Variants in CHODL observed in about 807,000 individuals in gnomAD.
CHODL encodes transmembrane protein MT75.
A neutral mutation model predicts 34.5 loss-of-function variants in CHODL; 29 were observed. That is an observed-to-expected ratio of 0.84 (90% CI 0.63 to 1.15). The LOEUF is 1.15. Among genes scored for constraint, CHODL ranks in the 50% most tolerant of loss-of-function variants. The pLI, the probability that CHODL is intolerant of heterozygous loss-of-function variation, is 0.00. For missense variants in CHODL, 332 were observed against 332.5 expected (o/e 1.00, Z 0.01); for synonymous variants, 125 against 116.1 (o/e 1.08, Z -0.49).
At chr21:17,945,064 T>C (rs943760220) in intron 1 of CHODL, among the ~76,000 whole-genome samples, 1 of 151,760 alleles carries the variant, frequency 6.6e-6, no homozygotes, top group African/African-American at 2.4e-5. Flanking sequence ...CAAAAAAAAT[T>C]AGCCGGGCAT....
chr21:17,971,491 T>C (rs552499367), intron 1 of CHODL, among the ~76,000 whole-genome samples: 7 of 152,340 alleles, frequency 4.6e-5, no homozygotes, highest in Admixed American at 3.3e-4. Context: ...CCAGTGATGA[T>C]GACCTTTTTT....
At chr21:18,262,100 C>G (rs1432767079) in intron 4 of CHODL, among the ~76,000 whole-genome samples, 1 of 151,982 alleles carries the variant, frequency 6.6e-6, no homozygotes, top group Non-Finnish European at 1.5e-5. Flanking sequence ...AGCTAAGGTT[C>G]TTAATGAAAG....
At chr21:18,222,813 G>T (rs2073897239) in intron 2 of CHODL, among the ~76,000 whole-genome samples, 1 of 152,128 alleles carries the variant, frequency 6.6e-6, no homozygotes, top group Non-Finnish European at 1.5e-5. Context: ...AGGCAAGTCT[G>T]CTGTGTGTCT....
At chr21:18,249,425 G>A (rs766731073) in intron 1 of CHODL, among the ~76,000 whole-genome samples, 9 of 151,620 alleles carry the variant, frequency 5.9e-5, no homozygotes, top group South Asian at 2.1e-4. Flanking sequence ...TTTATTAAAG[G>A]CATATATGGT....
chr21:18,116,145 C>T (rs984422582), intron 2 of CHODL, among the ~76,000 whole-genome samples: 10 of 152,072 alleles, frequency 6.6e-5, no homozygotes, highest in Admixed American at 4.6e-4. Flanking sequence ...ACAAAACTTC[C>T]TTGAATGATC....
At chr21:17,924,046 G>A (rs2063204784) in intron 1 of CHODL, among the ~76,000 whole-genome samples, 1 of 152,188 alleles carries the variant, frequency 6.6e-6, no homozygotes, top group South Asian at 2.1e-4. Flanking sequence ...GGAGTTTGAG[G>A]GATAGAGTGT....
chr21:18,089,423 TAG>T (rs772934629), intron 2 of CHODL, among the ~76,000 whole-genome samples: 4 of 152,142 alleles, frequency 2.6e-5, no homozygotes, highest in Non-Finnish European at 5.9e-5. Flanking sequence ...TTATAGTGAG[TAG>T]AGAGAATTAT....
chr21:17,950,128 T>G (rs1029068994), intron 1 of CHODL, among the ~76,000 whole-genome samples: 4 of 152,126 alleles, frequency 2.6e-5, no homozygotes, highest in Admixed American at 6.6e-5. Flanking sequence ...AATATTGAAC[T>G]TATTAAAACA....
chr21:17,969,711 G>A (rs762093358), intron 1 of CHODL, among the ~76,000 whole-genome samples: 32 of 152,052 alleles, frequency 2.1e-4, no homozygotes, highest in Non-Finnish European at 4.1e-4. Flanking sequence ...GATACAGTGT[G>A]GTATTTTAAA....
chr21:18,229,721 C>T (rs918760486), intron 2 of CHODL, among the ~76,000 whole-genome samples: 1 of 152,084 alleles, frequency 6.6e-6, no homozygotes, highest in African/African-American at 2.4e-5. Flanking sequence ...TCTTTTTCTT[C>T]TGCCCACAGA....
At chr21:18,108,612 G>A (rs2146556939) in intron 2 of CHODL, among the ~76,000 whole-genome samples, 1 of 152,224 alleles carries the variant, frequency 6.6e-6, no homozygotes, top group East Asian at 1.9e-4. Flanking sequence ...TGATACCTTG[G>A]CTGCCCCCCA....
At chr21:17,991,397 G>T (rs2063795542) in intron 1 of CHODL, among the ~76,000 whole-genome samples, 1 of 151,884 alleles carries the variant, frequency 6.6e-6, no homozygotes, top group African/African-American at 2.4e-5. Context: ...TTCTATAATG[G>T]ATGTATTAAT....
At position 18,260,248 on chromosome 21, in the gene CHODL, C is replaced by A; in HGVS notation, c.596C>A (p.Pro199Gln). 6.3e-7 allele frequency: 1 copy of A among 1,581,940 alleles called. No individual in the cohort carries two copies. The highest frequency in any genetic ancestry group is 8.6e-7 in the Non-Finnish European group (1 of 1,167,232). The change falls in exon 4 of 6, where the codon CCA becomes CAA. Residue 199 changes from proline (P) to glutamine (Q), a missense_variant. Coordinates refer to ENST00000299295, the MANE Select transcript of CHODL (RefSeq NM_024944.3). The stretch of plus-strand genomic sequence containing the variant: ...GAAAAGCCTTATCTTACAAATCAAC[C>A]AGGAGACACCCATCAGAATGTGGTT... ...PVEKPYLTNQ[P>Q]GDTHQNVVVT...
At chr21:18,075,487 A>G (rs561563361) in intron 2 of CHODL, among the ~76,000 whole-genome samples, 67 of 151,716 alleles carry the variant, frequency 4.4e-4, no homozygotes, top group Middle Eastern at 3.4e-3. Flanking sequence ...CTTCATCACC[A>G]CTCCTTACTA....
intron 2 of CHODL, among the ~76,000 whole-genome samples, chr21:18,197,005 C>T (rs1172732169): frequency 6.6e-6 from 1 of 152,094 alleles, no homozygotes; most frequent in Admixed American, 6.5e-5. Context: ...CAAGCACACA[C>T]ACAAATAGTA....
chr21:17,924,900 T>G (rs2063211144), intron 1 of CHODL, among the ~76,000 whole-genome samples: 1 of 152,190 alleles, frequency 6.6e-6, no homozygotes, highest in African/African-American at 2.4e-5. Flanking sequence ...AAAAAAATGC[T>G]ACATAAGAAG....
chr21:18,010,222 G>A (rs1225905381), intron 1 of CHODL, among the ~76,000 whole-genome samples: 1 of 145,008 alleles, frequency 6.9e-6, no homozygotes, highest in African/African-American at 2.6e-5. Context: ...GCGGGAACCC[G>A]GGAGGTGGAG....
intron 2 of CHODL, among the ~76,000 whole-genome samples, chr21:18,052,188 C>A (rs945445140): frequency 5.3e-5 from 8 of 151,936 alleles, no homozygotes; most frequent in African/African-American, 1.9e-4. Flanking sequence ...AAAGGCTAAT[C>A]TTCATTTACT....
intron 2 of CHODL, among the ~76,000 whole-genome samples, chr21:18,207,400 CTTA>C (rs1360898057): frequency 1.3e-5 from 2 of 152,184 alleles, no homozygotes; most frequent in East Asian, 1.9e-4. Flanking sequence ...CTGTTTGTGT[CTTA>C]TTATACTGTG....
Sources: allele counts gnomAD v4.1 joint callset (sites outside exome capture counted in the v4.1 genomes callset), GRCh38; gene constraint gnomAD v4.1.1; transcripts MANE v1.5; gene names NCBI Gene and HGNC (gene_info 2026-07-23, HGNC 2026-07-21).